Variants in ADARB1 observed in about 807,000 individuals in gnomAD.
ADARB1 encodes double-stranded RNA-specific editase 1.
In ADARB1, 10 loss-of-function variants were observed where a neutral mutation model predicts 52.4. The observed-to-expected ratio is 0.19, with a 90% CI of 0.12 to 0.32. The LOEUF (loss-of-function observed/expected upper bound fraction) is 0.32. Among genes scored for constraint, ADARB1 ranks in the 10% least tolerant of loss-of-function variants. The pLI, the probability that ADARB1 is intolerant of heterozygous loss-of-function variation, is 1.00. For synonymous variants in ADARB1, 349 were observed against 371.1 expected, an observed-to-expected ratio of 0.94 and a Z score of 0.68; for missense variants, 643 against 922.3, an observed-to-expected ratio of 0.70 and a Z score of 3.92.
At chr21:45,170,346 T>C (rs1447688496) in intron 2 of ADARB1, among the ~76,000 whole-genome samples, 2 of 152,246 alleles carry the variant, frequency 1.3e-5, no homozygotes, top group South Asian at 2.1e-4. Context: ...TTTCTCAGAA[T>C]CTGATTTAGG....
At position 45,222,066 on chromosome 21, in the gene ADARB1, C is replaced by G. The variant is rs755163037; in HGVS notation, c.1975C>G (p.His659Asp). 1 of 1,613,712 alleles carries G rather than the reference C, an allele frequency of 6.2e-7. No homozygotes were observed. Among genetic ancestry groups the G allele is most frequent in the East Asian group, 2.2e-5 (1 of 44,886 alleles). Residue 659 changes from histidine (H) to aspartate (D), a missense_variant, in exon 11 of 11, where the codon CAT becomes GAT. This residue lies in a region of ADARB1 where 263 missense variants were observed against 475.8 expected (regional missense o/e 0.55). Transcript: ENST00000348831. Reference sequence around the variant, plus strand: ...CAAGATTACCAAGCCCAACGTGTACCATGAGTCCAAGCTGGCGGCAAAGGA... The same window carrying G: ...CAAGATTACCAAGCCCAACGTGTACGATGAGTCCAAGCTGGCGGCAAAGGA... The part of the protein sequence containing the change: ...RSKITKPNVY[H>D]ESKLAAKEYQ...
At chr21:45,163,418 G>T (rs2091082308) in intron 2 of ADARB1, among the ~76,000 whole-genome samples, 1 of 152,222 alleles carries the variant, frequency 6.6e-6, no homozygotes. Flanking sequence ...TGAGGATGAG[G>T]CTTGAGTCTG....
chr21:45,152,450 G>A (rs759746980), intron 2 of ADARB1, among the ~76,000 whole-genome samples: 6 of 152,248 alleles, frequency 3.9e-5, no homozygotes, highest in Non-Finnish European at 8.8e-5. Flanking sequence ...ACTGCGGCAT[G>A]ATGAATGGGC....
intron 3 of ADARB1, among the ~76,000 whole-genome samples, chr21:45,173,329 G>A (rs989398613): frequency 2.6e-5 from 4 of 152,138 alleles, no homozygotes; most frequent in African/African-American, 9.7e-5. Context: ...AGAAAGAGAA[G>A]GCATCTGTTG....
chr21:45,173,568 T>A (rs991708545), intron 3 of ADARB1, among the ~76,000 whole-genome samples: 9 of 151,912 alleles, frequency 5.9e-5, no homozygotes, highest in African/African-American at 2.2e-4. Context: ...ATTTCAGAGG[T>A]TATAAATATT....
intron 9 of ADARB1, among the ~76,000 whole-genome samples, chr21:45,219,989 CT>C (rs10718648): frequency 0.49 from 59,051 of 121,738 alleles, 13,791 homozygotes; most frequent in East Asian, 0.64. Flanking sequence ...TCTTGGTAGC[CT>C]TTTTTTTTTT....
chr21:45,210,010 G>A lies in ADARB1; in HGVS notation c.1747+5274G>A, dbSNP rs530446008. Among the ~76,000 whole-genome samples the A allele has an allele frequency of 1.5e-4, 23 of 152,236 alleles. No individual in the cohort carries two copies. The South Asian group carries it at 3.9e-3, about 26-fold the overall frequency. On this transcript the variant is annotated intron_variant, in intron 9 of 10. Coordinates refer to ENST00000348831, the MANE Select transcript of ADARB1 (RefSeq NM_001112.4). ...ATCTCAGGAGTGAACTGTTTTCCCC[G>A]CGGAGCAGGCTCCCCGGGAGCTCAT...
intron 9 of ADARB1, among the ~76,000 whole-genome samples, chr21:45,211,249 C>T (rs1012155397): frequency 2.0e-5 from 3 of 152,204 alleles, no homozygotes; most frequent in Non-Finnish European, 4.4e-5. Context: ...ATGAAAGGCT[C>T]AAAGGTGCTC....
intron 9 of ADARB1, among the ~76,000 whole-genome samples, chr21:45,210,613 G>A (rs2092749410): frequency 6.6e-6 from 1 of 152,216 alleles, no homozygotes; most frequent in African/African-American, 2.4e-5. Flanking sequence ...CCGCAGCCCT[G>A]TGGGCCGGGC....
At chr21:45,116,113 G>A (rs1368305451) in intron 1 of ADARB1, among the ~76,000 whole-genome samples, 2 of 152,208 alleles carry the variant, frequency 1.3e-5, no homozygotes, top group African/African-American at 4.8e-5. Context: ...TGATTAAGGT[G>A]GTATCTGCTG....
At chr21:45,103,180 C>T (rs765974758) in intron 1 of ADARB1, among the ~76,000 whole-genome samples, 1 of 152,176 alleles carries the variant, frequency 6.6e-6, no homozygotes, top group Admixed American at 6.5e-5. Flanking sequence ...GGATCCTGGA[C>T]GACTGAATCT....
At chr21:45,095,880 G>A (rs2086737864) in intron 1 of ADARB1, among the ~76,000 whole-genome samples, 1 of 152,222 alleles carries the variant, frequency 6.6e-6, no homozygotes, top group Non-Finnish European at 1.5e-5. Flanking sequence ...GCTGTAGGCT[G>A]TAAGTCCTGG....
chr21:45,154,429 C>G (rs1290692837), intron 2 of ADARB1, among the ~76,000 whole-genome samples: 1 of 152,158 alleles, frequency 6.6e-6, no homozygotes, highest in Non-Finnish European at 1.5e-5. Context: ...ACCAAACTGG[C>G]AAAGTTTTAT....
In ADARB1 at chr21:45,225,214, G is replaced by A. The variant is rs1300043981; in HGVS notation, c.*3017G>A. On this transcript the variant is annotated 3_prime_UTR_variant, in exon 11 of 11. Coordinates refer to ENST00000348831, the MANE Select transcript of ADARB1 (RefSeq NM_001112.4). ...TCTCAGGTGGGGCGGTGTGTTCTGTGCCATGAGGCAGCGACAGGTCCAGAT... is the reference window on the plus strand; with the variant it reads ...TCTCAGGTGGGGCGGTGTGTTCTGTACCATGAGGCAGCGACAGGTCCAGAT... 1.9e-6 allele frequency: 2 copies of A among 1,076,184 alleles called. No homozygotes were observed. The highest frequency in any genetic ancestry group is 2.2e-6 in the Non-Finnish European group (2 of 889,804). The allele number at this position is 1,076,184 out of a possible 1,614,324, so 66.7% of individuals were successfully genotyped here.
At chr21:45,082,860 C>G (rs964128913) in intron 1 of ADARB1, among the ~76,000 whole-genome samples, 1 of 152,200 alleles carries the variant, frequency 6.6e-6, no homozygotes, top group Non-Finnish European at 1.5e-5. Context: ...GACCAGCAGT[C>G]GGATCTGAGC....
At chr21:45,088,098 T>C (rs2086417464) in intron 1 of ADARB1, among the ~76,000 whole-genome samples, 1 of 152,126 alleles carries the variant, frequency 6.6e-6, no homozygotes, top group Admixed American at 6.5e-5. Flanking sequence ...GACTCTGTGG[T>C]CTTTAATAGA....
intron 9 of ADARB1, among the ~76,000 whole-genome samples, chr21:45,215,942 T>C (rs1460647896): frequency 6.6e-6 from 1 of 152,216 alleles, no homozygotes; most frequent in African/African-American, 2.4e-5. Flanking sequence ...GTGAAACCAT[T>C]GGGCCTGAAG....
In ADARB1 at chr21:45,222,220, T is replaced by G; in HGVS notation, c.*23T>G. On this transcript the variant is annotated 3_prime_UTR_variant, in exon 11 of 11. Coordinates refer to ENST00000348831, the MANE Select transcript of ADARB1 (RefSeq NM_001112.4). ...TGACCCGGGCAGACATGATGGGGGG[T>G]GCAGGGGGCTGTGGGCATCCAGCGT... 1 of 1,532,732 alleles carries G rather than the reference T, an allele frequency of 6.5e-7. No homozygotes were observed. The highest frequency in any genetic ancestry group is 8.7e-7 in the Non-Finnish European group (1 of 1,144,922). The allele number at this position is 1,532,732 out of a possible 1,614,324, so 94.9% of individuals were successfully genotyped here. A position where few individuals can be genotyped will look rare whatever the true frequency, so the allele number is the denominator to read the frequency against.
rs556326159 is a variant in ADARB1 at position 45,099,681 on chromosome 21, G to T, written c.-220+24888G>T. On this transcript the variant is annotated intron_variant, in intron 1 of 10. Transcript: ENST00000348831. Reference sequence around the variant, plus strand: ...AAATTTACAATTTATGTTAAAATATGTCATTTTAAGTTATGTAAATCCAAG... The same window carrying T: ...AAATTTACAATTTATGTTAAAATATTTCATTTTAAGTTATGTAAATCCAAG... Among the ~76,000 whole-genome samples, 17 of 152,276 alleles carry T rather than the reference G, an allele frequency of 1.1e-4. No individual in the cohort carries two copies. The South Asian group carries it at 3.1e-3, about 28-fold the overall frequency.
Sources: allele counts gnomAD v4.1 joint callset (sites outside exome capture counted in the v4.1 genomes callset), GRCh38; gene constraint gnomAD v4.1.1; regional missense constraint gnomAD v4.1.1; transcripts MANE v1.5; gene names NCBI Gene and HGNC (gene_info 2026-07-23, HGNC 2026-07-21).